The following IGF1R variants were observed in gnomAD, a reference collection of about 807,000 sequenced individuals.
The protein encoded by IGF1R is insulin-like growth factor 1 receptor.
A neutral mutation model predicts 144.6 loss-of-function variants in IGF1R; 44 were observed. The ratio of observed to expected loss-of-function variants is 0.30; its 90% CI spans 0.24 to 0.39. The LOEUF is 0.39. IGF1R is among the 10% of genes least tolerant of loss of function. The pLI, the probability that IGF1R is intolerant of heterozygous loss-of-function variation, is 1.00. For synonymous variants in IGF1R, 795 were observed against 722.8 expected, an observed-to-expected ratio of 1.10 and a Z score of -1.60; for missense variants, 1,355 against 1,833.7, an observed-to-expected ratio of 0.74 and a Z score of 4.77.
intron 1 of IGF1R, among the ~76,000 whole-genome samples, chr15:98,697,745 T>G (rs2053627534): frequency 1.6e-5 from 1 of 61,498 alleles, no homozygotes; most frequent in African/African-American, 1.4e-4. Context: ...CCATCTTAAC[T>G]TTTTTTTATT....
intron 2 of IGF1R, among the ~76,000 whole-genome samples, chr15:98,817,498 G>T (rs1395977390): frequency 6.6e-6 from 1 of 151,996 alleles, no homozygotes. Context: ...GTATTACGCT[G>T]GGTAGTCATT....
chr15:98,834,589 G>A (rs923586522), intron 2 of IGF1R, among the ~76,000 whole-genome samples: 1 of 152,156 alleles, frequency 6.6e-6, no homozygotes, highest in Non-Finnish European at 1.5e-5. Flanking sequence ...GAACTCTGGG[G>A]GTTACCAGAA....
intron 10 of IGF1R, 110 bp downstream of exon 10, chr15:98,916,986 C>G: frequency 1.1e-6 from 1 of 905,898 alleles, no homozygotes; most frequent in Non-Finnish European, 1.8e-6. Flanking sequence ...GGGTACAATA[C>G]AGTAGCCACT....
intron 2 of IGF1R, among the ~76,000 whole-genome samples, chr15:98,732,067 A>G (rs1245120832): frequency 6.6e-6 from 1 of 152,178 alleles, no homozygotes; most frequent in Non-Finnish European, 1.5e-5. Context: ...AGCTTTGGGG[A>G]TCTGAAGATG....
At chr15:98,892,526 C>CTA (rs1173465015) in intron 3 of IGF1R, among the ~76,000 whole-genome samples, 1 of 61,468 alleles carries the variant, frequency 1.6e-5, no homozygotes, top group Non-Finnish European at 2.9e-5. Context: ...CACTCTGTCT[C>CTA]CAAAAAAAAA....
At chr15:98,800,706 T>C (rs1347926253) in intron 2 of IGF1R, among the ~76,000 whole-genome samples, 1 of 152,138 alleles carries the variant, frequency 6.6e-6, no homozygotes. Flanking sequence ...GGTGTTGGTA[T>C]CTGAGCGATT....
At chr15:98,828,094 C>T (rs1020626518) in intron 2 of IGF1R, among the ~76,000 whole-genome samples, 1 of 152,182 alleles carries the variant, frequency 6.6e-6, no homozygotes, top group Non-Finnish European at 1.5e-5. Flanking sequence ...GGGGCATTCA[C>T]CCTCTGGTCC....
At chr15:98,867,552 C>CT (rs1476802398) in intron 2 of IGF1R, among the ~76,000 whole-genome samples, 1 of 152,098 alleles carries the variant, frequency 6.6e-6, no homozygotes, top group Non-Finnish European at 1.5e-5. Context: ...TGTTCTTGTC[C>CT]TCCCGTTAGG....
intron 2 of IGF1R, among the ~76,000 whole-genome samples, chr15:98,811,794 C>T (rs867701689): frequency 3.3e-5 from 5 of 151,892 alleles, no homozygotes; most frequent in Admixed American, 6.6e-5. Flanking sequence ...GGCGTGTTGG[C>T]GGGCGCCTGT....
At chr15:98,917,633 A>G (rs10048024) in intron 10 of IGF1R, among the ~76,000 whole-genome samples, 32,795 of 152,234 alleles carry the variant, frequency 0.22, 3,679 homozygotes, top group South Asian at 0.35. Context: ...ACCTTACAGT[A>G]GAATATTATT....
At chr15:98,779,693 C>G (rs956880748) in intron 2 of IGF1R, among the ~76,000 whole-genome samples, 4 of 152,240 alleles carry the variant, frequency 2.6e-5, no homozygotes, top group Admixed American at 1.3e-4. Context: ...CACATTAGCA[C>G]TTGACTCGAG....
chr15:98,751,556 G>C (rs73475643), intron 2 of IGF1R, among the ~76,000 whole-genome samples: 2,050 of 152,160 alleles, frequency 0.013, 44 homozygotes, highest in African/African-American at 0.047. Context: ...CCATTGTTGG[G>C]CATTTGCATT....
intron 2 of IGF1R, among the ~76,000 whole-genome samples, chr15:98,881,210 C>T (rs1311666962): frequency 1.3e-5 from 2 of 152,054 alleles, no homozygotes; most frequent in Non-Finnish European, 2.9e-5. Flanking sequence ...CTTAGTGTGG[C>T]GGAGAAAAGG....
intron 2 of IGF1R, among the ~76,000 whole-genome samples, chr15:98,741,148 ACT>A (rs1555438570): frequency 4.7e-5 from 7 of 148,724 alleles, no homozygotes; most frequent in East Asian, 2.0e-4. Context: ...ATTAGCAGAC[ACT>A]CTCGTGTTGA....
At chr15:98,918,173 G>A (rs1048611771) in intron 10 of IGF1R, among the ~76,000 whole-genome samples, 1 of 152,104 alleles carries the variant, frequency 6.6e-6, no homozygotes, top group Non-Finnish European at 1.5e-5. Context: ...TTTTGGAAAC[G>A]ACCTCATGCC....
At chr15:98,882,958 G>A (rs144889839) in intron 2 of IGF1R, among the ~76,000 whole-genome samples, 7 of 152,328 alleles carry the variant, frequency 4.6e-5, no homozygotes, top group African/African-American at 9.6e-5. Context: ...GTACCTTTCT[G>A]TGTGCTCCTG....
chr15:98,749,438 G>A lies in IGF1R; in HGVS notation c.640+41331G>A, dbSNP rs116984269. 6.7e-3 allele frequency among the ~76,000 whole-genome samples: 1,013 copies of A among 152,166 alleles called. 14 individuals are homozygous for A. In the East Asian group the frequency reaches 0.069, roughly 10 times the overall value. On this transcript the variant is annotated intron_variant, in intron 2 of 20. Transcript: ENST00000650285. ...GAAGTATGTTTACCAGGTAATCTGA[G>A]GGCTGGTTACCTGGTAACGCAATTG...
intron 2 of IGF1R, among the ~76,000 whole-genome samples, chr15:98,777,933 TA>T (rs1283003815): frequency 6.6e-6 from 1 of 152,232 alleles, no homozygotes; most frequent in Non-Finnish European, 1.5e-5. Flanking sequence ...GAGAAGAAAG[TA>T]AAACCTTACA....
chr15:98,757,200 C>T (rs541083519), intron 2 of IGF1R, among the ~76,000 whole-genome samples: 18 of 151,972 alleles, frequency 1.2e-4, no homozygotes, highest in African/African-American at 3.9e-4. Flanking sequence ...TTCACTCTGT[C>T]GCCCAGGCTG....
Sources: gnomAD v4.1 joint callset for allele counts (sites outside exome capture counted in the v4.1 genomes callset) on GRCh38, gnomAD v4.1.1 for gene constraint, MANE v1.5 for transcripts, NCBI Gene and HGNC (gene_info 2026-07-23, HGNC 2026-07-21) for gene names.